Variants in HSD11B1 observed in about 807,000 individuals in gnomAD.
The protein encoded by HSD11B1 is hydroxysteroid 11-beta dehydrogenase 1.
HSD11B1 carries 15 observed loss-of-function variants against 22.1 expected under a neutral mutation model. That is an observed-to-expected ratio of 0.68 (90% CI 0.45 to 1.04). HSD11B1 has a LOEUF of 1.04. Ranked by LOEUF, HSD11B1 falls within the 50% of genes least tolerant of loss-of-function variation. The pLI is 0.00. For missense variants in HSD11B1, 281 were observed against 357.6 expected (o/e 0.79, Z 1.73); for synonymous variants, 122 against 125.2 (o/e 0.97, Z 0.17).
intron 4 of HSD11B1, among the ~76,000 whole-genome samples, chr1:209,718,227 G>C (rs2076942482): frequency 6.6e-6 from 1 of 152,180 alleles, no homozygotes; most frequent in African/African-American, 2.4e-5. Flanking sequence ...TTCAAAATAA[G>C]TGAGGACTTG....
chr1:209,722,112 G>A (rs1202717202), intron 4 of HSD11B1, among the ~76,000 whole-genome samples: 1 of 152,088 alleles, frequency 6.6e-6, no homozygotes, highest in African/African-American at 2.4e-5. Context: ...TTCAACTGTG[G>A]ATGTTCTTCA....
intron 4 of HSD11B1, among the ~76,000 whole-genome samples, chr1:209,722,459 C>G (rs2076972500): frequency 1.3e-5 from 2 of 152,200 alleles, no homozygotes; most frequent in Admixed American, 1.3e-4. Context: ...GAACCCTCTT[C>G]TCTTTTCACT....
intron 4 of HSD11B1, among the ~76,000 whole-genome samples, chr1:209,729,162 C>T (rs1258607013): frequency 2.0e-5 from 3 of 152,124 alleles, no homozygotes; most frequent in Non-Finnish European, 4.4e-5. Flanking sequence ...AGTTCAAGAC[C>T]AGCCTGGCCA....
At chr1:209,709,563 G>A (rs2076881581) in intron 4 of HSD11B1, among the ~76,000 whole-genome samples, 1 of 152,168 alleles carries the variant, frequency 6.6e-6, no homozygotes, top group Non-Finnish European at 1.5e-5. Flanking sequence ...ACCCTGGAAA[G>A]GCAGTCCAGG....
intron 1 of HSD11B1, among the ~76,000 whole-genome samples, chr1:209,693,539 C>T (rs1007986008): frequency 9.2e-5 from 14 of 152,194 alleles, no homozygotes; most frequent in Non-Finnish European, 1.6e-4. Context: ...TCTACTTCCT[C>T]GATTCTCAAA....
chr1:209,694,643 T>TG (rs1257307755), intron 1 of HSD11B1, among the ~76,000 whole-genome samples: 11 of 152,146 alleles, frequency 7.2e-5, no homozygotes, highest in African/African-American at 2.4e-4. Flanking sequence ...AGCAGAGAAA[T>TG]GTGCTGATCA....
At chr1:209,692,733 G>C (rs1006341695) in intron 1 of HSD11B1, among the ~76,000 whole-genome samples, 27 of 151,690 alleles carry the variant, frequency 1.8e-4, no homozygotes, top group African/African-American at 6.3e-4. Context: ...AGTTTGGCCA[G>C]AAAAATCTTT....
rs554078727 is a variant in HSD11B1 at position 209,706,640 on chromosome 1, G to A, written c.220-69G>A. ...GAGCAATCTCTCATTTAAGCCCCCCGTTACTTCAGAGACTACCCCCCAAAA... is the reference window on the plus strand; with the variant it reads ...GAGCAATCTCTCATTTAAGCCCCCCATTACTTCAGAGACTACCCCCCAAAA... On this transcript the variant is annotated intron_variant, in intron 2 of 5. Coordinates refer to ENST00000367027, the MANE Select transcript of HSD11B1 (RefSeq NM_005525.4). The surrounding 1 kb of genome is among the most constrained non-coding windows in gnomAD (Gnocchi z 4.0). 471 of 998,144 alleles carry A rather than the reference G, an allele frequency of 4.7e-4. 8 individuals are homozygous for A. Among genetic ancestry groups the A allele is most frequent in the South Asian group, 4.5e-3 (355 of 78,426 alleles). 61.8% of individuals were successfully genotyped at this position (998,144 alleles called of 1,614,324 possible). A position where few individuals can be genotyped will look rare whatever the true frequency, so the allele number is the denominator to read the frequency against.
At chr1:209,712,300 C>A (rs1172967414) in intron 4 of HSD11B1, among the ~76,000 whole-genome samples, 1 of 152,102 alleles carries the variant, frequency 6.6e-6, no homozygotes, top group Non-Finnish European at 1.5e-5. Context: ...CAGCACTCTG[C>A]ATGCCTGGGT....
intron 1 of HSD11B1, among the ~76,000 whole-genome samples, chr1:209,686,678 T>C (rs549774093): frequency 2.2e-4 from 33 of 152,182 alleles, no homozygotes; most frequent in Admixed American, 3.3e-4. Flanking sequence ...GTAAGCAGTT[T>C]TTAAAATCGG....
intron 1 of HSD11B1, among the ~76,000 whole-genome samples, chr1:209,691,838 TA>T (rs1434714436): frequency 6.6e-6 from 1 of 152,172 alleles, no homozygotes; most frequent in Non-Finnish European, 1.5e-5. Flanking sequence ...AGGAAATGAA[TA>T]AGTAATTTCC....
intron 4 of HSD11B1, among the ~76,000 whole-genome samples, chr1:209,708,128 T>TA (rs1319858609): frequency 6.6e-6 from 1 of 152,056 alleles, no homozygotes; most frequent in East Asian, 1.9e-4. Context: ...CCATCACCAG[T>TA]AAAAAACCAG....
intron 1 of HSD11B1, among the ~76,000 whole-genome samples, chr1:209,696,125 A>G (rs1478734552): frequency 3.3e-5 from 5 of 152,230 alleles, no homozygotes; most frequent in Admixed American, 6.5e-5. Context: ...GTGTAGTTCT[A>G]CTAATATAAA....
intron 4 of HSD11B1, among the ~76,000 whole-genome samples, chr1:209,727,269 G>T (rs771483638): frequency 2.0e-5 from 3 of 152,148 alleles, no homozygotes; most frequent in Non-Finnish European, 4.4e-5. Context: ...TATAGGTTTT[G>T]GGGGGAGCAT....
intron 4 of HSD11B1, among the ~76,000 whole-genome samples, chr1:209,712,081 C>T (rs1045424848): frequency 2.6e-5 from 4 of 152,136 alleles, no homozygotes; most frequent in Non-Finnish European, 2.9e-5. Flanking sequence ...TGTATCTTTA[C>T]GTTTCCTTAC....
Position 209,707,007 on chromosome 1 carries a change from T to A in HSD11B1, c.396T>A (p.Asp132Glu). ...TNTSLNLFHD[D>E]IHHVRKSMEV... Reference sequence around the variant, plus strand: ...CTTCTTTGAATCTTTTTCATGATGATATTCACCATGTGCGCAAAAGCATGG... The same window carrying A: ...CTTCTTTGAATCTTTTTCATGATGAAATTCACCATGTGCGCAAAAGCATGG... Residue 132 changes from aspartate (D) to glutamate (E), a missense_variant, in exon 4 of 6, where the codon GAT becomes GAA. Physicochemically the swap from Asp to Glu is conservative, Grantham distance 45. Transcript: ENST00000367027. 1.2e-6 allele frequency: 2 copies of A among 1,613,984 alleles called. No individual in the cohort carries two copies. The highest frequency in any genetic ancestry group is 1.7e-6 in the Non-Finnish European group (2 of 1,179,812).
At chr1:209,723,118 ACT>A (rs1441465667) in intron 4 of HSD11B1, among the ~76,000 whole-genome samples, 1 of 151,844 alleles carries the variant, frequency 6.6e-6, no homozygotes, top group East Asian at 1.9e-4. Flanking sequence ...TCCTTCTAAG[ACT>A]CTGTGTCCCA....
chr1:209,707,957 T>C (rs141967379), intron 4 of HSD11B1, among the ~76,000 whole-genome samples: 16 of 150,748 alleles, frequency 1.1e-4, no homozygotes, highest in African/African-American at 3.9e-4. Flanking sequence ...GACCTGCCTA[T>C]AGTGGGTGTA....
At chr1:209,733,018 T>C (rs1009922136) in intron 5 of HSD11B1, among the ~76,000 whole-genome samples, 10 of 152,212 alleles carry the variant, frequency 6.6e-5, no homozygotes, top group Non-Finnish European at 1.5e-4. Flanking sequence ...GTGGAGGCTC[T>C]GGCTACTCTT....
Sources: allele counts gnomAD v4.1 joint callset (sites outside exome capture counted in the v4.1 genomes callset), GRCh38; gene constraint gnomAD v4.1.1; non-coding constraint Gnocchi (gnomAD v3.1); transcripts MANE v1.5; gene names NCBI Gene and HGNC (gene_info 2026-07-23, HGNC 2026-07-21).